Variants in TEX15 observed in about 807,000 individuals in gnomAD.
TEX15 encodes the protein testis-expressed protein 15.
Under a neutral mutation model 237.3 loss-of-function variants are expected in TEX15, and 171 were observed. That is an observed-to-expected ratio of 0.72 (90% confidence interval 0.64 to 0.82). The LOEUF (loss-of-function observed/expected upper bound fraction) is 0.82. Among genes scored for constraint, TEX15 ranks in the 40% least tolerant of loss-of-function variants. The pLI is 0.00. For synonymous variants in TEX15, 1,338 were observed against 1,269.8 expected (o/e 1.05, Z -1.14); for missense variants, 3,750 against 3,646.5 (o/e 1.03, Z -0.73).
chr8:30,846,148 G>C lies in TEX15; in HGVS notation c.4019C>G (p.Ser1340Cys). The C allele has an allele frequency of 1.2e-6, 2 of 1,613,490 alleles. No individual in the cohort carries two copies. The highest frequency in any genetic ancestry group is 1.7e-6 in the Non-Finnish European group (2 of 1,179,628). ...TTTAATTCGTCCTTGGGATAATGAA[G>C]AGAAACACTCAGATGAGTCTTGACT... is the stretch of plus-strand genomic sequence containing the variant. ...LTSQDSSECF[S>C]SLSQGRIKTF... The change falls in exon 8 of 11, where the codon TCT (serine) becomes TGT (cysteine). Residue 1340 changes from serine to cysteine, a missense_variant. Transcript: ENST00000643185.
intron 2 of TEX15, among the ~76,000 whole-genome samples, chr8:30,897,895 C>T (rs1057303513): frequency 6.6e-6 from 1 of 152,120 alleles, no homozygotes; most frequent in Admixed American, 6.6e-5. Flanking sequence ...AACTCCTCAC[C>T]TCAAGCAATC....
At chr8:30,841,178 C>G (rs1449800789) in intron 8 of TEX15, among the ~76,000 whole-genome samples, 2 of 152,192 alleles carry the variant, frequency 1.3e-5, no homozygotes, top group Non-Finnish European at 2.9e-5. Context: ...CCTTGGCCTC[C>G]CAAAGTGCCG....
At position 30,856,754 on chromosome 8, in the gene TEX15, T is replaced by C. The variant is rs186603565; in HGVS notation, c.850+1914A>G. Among the ~76,000 whole-genome samples the C allele has an allele frequency of 1.2e-3, 176 of 152,230 alleles. 1 individual carries two copies. The highest frequency in any genetic ancestry group is 4.1e-3 in the African/African-American group (169 of 41,542). On this transcript the variant is annotated intron_variant, in intron 7 of 10. Transcript: ENST00000643185. ...AAAATAAAAGACATGTAAGATATTATAGAGAAAATTATAAAATTGAAATAC... is the reference window on the plus strand; with the variant it reads ...AAAATAAAAGACATGTAAGATATTACAGAGAAAATTATAAAATTGAAATAC...
In TEX15 at chr8:30,848,700, A is replaced by G. The variant is rs552589716; in HGVS notation, c.1467T>C (p.Val489=). The part of the protein sequence containing the change: ...SSEVVPGDCA[V]LTNGLDTPCF... ...AAGGGGTATCCAAACCATTAGTAAG[A>G]ACAGCACAATCACCAGGGACAACTT... Residue 489 remains valine, a synonymous_variant, in exon 8 of 11, where the codon GTT becomes GTC. Coordinates refer to ENST00000643185, the MANE Select transcript of TEX15 (RefSeq NM_001350162.2). 2.5e-6 allele frequency: 4 copies of G among 1,614,216 alleles called. No homozygotes were observed. The East Asian group carries it at 8.9e-5, about 36-fold the overall frequency.
intron 4 of TEX15, among the ~76,000 whole-genome samples, chr8:30,868,126 ACAG>A (rs1467904571): frequency 6.6e-6 from 1 of 152,048 alleles, no homozygotes; most frequent in Non-Finnish European, 1.5e-5. Context: ...GATTTAGGTA[ACAG>A]CTGGGAGAAA....
rs1274362963 is a variant in TEX15, at chr8:30,859,489, C to T, written c.687+422G>A. On this transcript the variant is annotated intron_variant, in intron 6 of 10. Coordinates refer to ENST00000643185, the MANE Select transcript of TEX15 (RefSeq NM_001350162.2). Reference sequence around the variant, plus strand: ...AATGTGGTGTTTTGATATATGTATACAATGAGGAGTAATTAAATCAAGGTA... The same window carrying T: ...AATGTGGTGTTTTGATATATGTATATAATGAGGAGTAATTAAATCAAGGTA... Among the ~76,000 whole-genome samples the T allele has an allele frequency of 3.9e-5, 6 of 152,084 alleles. No homozygotes were observed. The East Asian group carries it at 1.2e-3, about 29-fold the overall frequency.
chr8:30,851,556 C>T (rs1015432698), intron 7 of TEX15, among the ~76,000 whole-genome samples: 14 of 151,708 alleles, frequency 9.2e-5, no homozygotes, highest in African/African-American at 3.4e-4. Flanking sequence ...GCCTTGAACC[C>T]GTGAGGCGGA....
At chr8:30,873,937 A>G (rs1388083507) in intron 4 of TEX15, among the ~76,000 whole-genome samples, 5 of 152,200 alleles carry the variant, frequency 3.3e-5, no homozygotes, top group Non-Finnish European at 7.3e-5. Flanking sequence ...TAACTTTTCT[A>G]TAACACTAAC....
chr8:30,880,925 T>C (rs1224332806), intron 3 of TEX15, among the ~76,000 whole-genome samples: 1 of 143,590 alleles, frequency 7.0e-6, no homozygotes, highest in Non-Finnish European at 1.5e-5. Context: ...TTTTCCTTTC[T>C]TTTTTTTTTA....
At chr8:30,887,444 A>T (rs1055695615) in intron 2 of TEX15, 133 bp from the exon 3 acceptor site, 1 of 899,572 alleles carries the variant, frequency 1.1e-6, no homozygotes, top group Non-Finnish European at 1.6e-6. Flanking sequence ...GAAAGTTTCC[A>T]TCTCAATTTG....
Position 30,842,381 on chromosome 8 carries a change from T to C in TEX15, c.7786A>G (p.Lys2596Glu). 6.2e-7 allele frequency: 1 copy of C among 1,613,822 alleles called. No individual in the cohort carries two copies. ...TTCCTAGGGGCAGACATTACATTCT[T>C]CAGCAGTGTAGAAAATTGATTGTAG... ...YNYNQFSTLL[K>E]NVMSAPRKDL... The change falls in exon 8 of 11, where the codon AAG becomes GAG. Residue 2596 changes from lysine (K) to glutamate (E), a missense_variant. Lys to Glu is a moderately conservative substitution (Grantham distance 56, BLOSUM62 1). Transcript: ENST00000643185.
rs370612251 is a variant in TEX15, at chr8:30,845,135, T to C, written c.5032A>G (p.Arg1678Gly). Residue 1678 changes from arginine (R) to glycine (G), a missense_variant, in exon 8 of 11, where the codon AGA (arginine) becomes GGA (glycine). Physicochemically the swap from Arg to Gly is moderately radical, Grantham distance 125 (BLOSUM62 -2). Coordinates refer to ENST00000643185, the MANE Select transcript of TEX15 (RefSeq NM_001350162.2). ...QGNLILSDCK[R>G]NLEVKWTDPI... Reference sequence around the variant, plus strand: ...TCTGTCCACTTTACTTCCAGGTTTCTTTTACAATCAGATAAAATAAGGTTA... The same window carrying C: ...TCTGTCCACTTTACTTCCAGGTTTCCTTTACAATCAGATAAAATAAGGTTA... 5 of 1,613,492 alleles carry C rather than the reference T, an allele frequency of 3.1e-6. No individual in the cohort carries two copies. The highest frequency in any genetic ancestry group is 1.3e-5 in the African/African-American group (1 of 75,026).
Position 30,858,706 on chromosome 8 carries a change from G to C in TEX15, c.812C>G (p.Ser271Cys). Residue 271 changes from serine to cysteine, a missense_variant, in exon 7 of 11, where the codon TCT (serine) becomes TGT (cysteine). Transcript: ENST00000643185. ...SKVDNGRLMT[S>C]LRFLSTGFPK... The stretch of plus-strand genomic sequence containing the variant: ...AAATCCTGTTGAGAGGAATCTCAAA[G>C]ATGTCATAAGGCGTCCATTATCTAC... 1 of 1,535,538 alleles carries C rather than the reference G, an allele frequency of 6.5e-7. No homozygotes were observed. Among genetic ancestry groups the C allele is most frequent in the Non-Finnish European group, 8.7e-7 (1 of 1,146,632 alleles).
At position 30,837,471 on chromosome 8, in the gene TEX15, T is replaced by C; in HGVS notation, c.8813A>G (p.Glu2938Gly). The part of the protein sequence containing the change: ...IKNSSCMTSP[E>G]PICIQNKIPT... ...AATTTTGTTCTGGATACAGATGGGT[T>C]CTGGAGAAGTCATGCATGAGGAATT... The change falls in exon 10 of 11, where the codon GAA (glutamate) becomes GGA (glycine). Residue 2938 changes from glutamate to glycine, a missense_variant. Glu to Gly is a moderately conservative substitution (Grantham distance 98). Coordinates refer to ENST00000643185, the MANE Select transcript of TEX15 (RefSeq NM_001350162.2). The C allele has an allele frequency of 6.2e-7, 1 of 1,614,062 alleles. No homozygotes were observed. The highest frequency in any genetic ancestry group is 1.1e-5 in the South Asian group (1 of 91,080).
Position 30,839,974 on chromosome 8 carries a change from A to C in TEX15, c.8164-10T>G. ...CATCTTTCATGTCTACCTGTGTTTA[A>C]AAGATACAAAGAAAATCTTCATTAG... On this transcript the variant is annotated splice_polypyrimidine_tract_variant and intron_variant, in intron 8 of 10. Transcript: ENST00000643185. The C allele has an allele frequency of 6.5e-7, 1 of 1,548,648 alleles. No homozygotes were observed.
In TEX15 at chr8:30,891,388, T is replaced by C. The variant is rs183269988; in HGVS notation, c.-9-4077A>G. Among the ~76,000 whole-genome samples, 4 of 152,290 alleles carry C rather than the reference T, an allele frequency of 2.6e-5. No homozygotes were observed. The East Asian group carries it at 7.7e-4, about 29-fold the overall frequency. ...TGGGAGTTCCAGTTTCTCCATATTC[T>C]CATCAACACCTTATGTTGGTAGTTT... is the stretch of plus-strand genomic sequence containing the variant. On this transcript the variant is annotated intron_variant, in intron 2 of 10. Coordinates refer to ENST00000643185, the MANE Select transcript of TEX15 (RefSeq NM_001350162.2).
At chr8:30,895,441 T>C (rs975976280) in intron 2 of TEX15, among the ~76,000 whole-genome samples, 1 of 151,972 alleles carries the variant, frequency 6.6e-6, no homozygotes, top group Non-Finnish European at 1.5e-5. Flanking sequence ...GGTCAGAGGA[T>C]GCCCCTAAGA....
intron 7 of TEX15, among the ~76,000 whole-genome samples, chr8:30,853,402 G>A (rs188846384): frequency 6.9e-4 from 105 of 152,094 alleles, no homozygotes; most frequent in African/African-American, 2.4e-3. Flanking sequence ...CCTATGTATT[G>A]GTGGGTTCCA....
At chr8:30,908,617 T>C (rs905435871) in intron 1 of TEX15, among the ~76,000 whole-genome samples, 1 of 152,142 alleles carries the variant, frequency 6.6e-6, no homozygotes, top group African/African-American at 2.4e-5. Context: ...GGTACAATAA[T>C]TGTGGACTAA....
Sources: allele counts gnomAD v4.1 joint callset (sites outside exome capture counted in the v4.1 genomes callset), GRCh38; gene constraint gnomAD v4.1.1; transcripts MANE v1.5; gene names NCBI Gene and HGNC (gene_info 2026-07-23, HGNC 2026-07-21).